Variants in AFF3 observed in about 807,000 individuals in gnomAD.
AFF3 encodes ALF transcription elongation factor 3, also known as AF4/FMR2 family member 3.
AFF3 carries 32 observed loss-of-function variants against 129.7 expected under a neutral mutation model. The observed-to-expected ratio is 0.25, with a 90% confidence interval of 0.19 to 0.33. The LOEUF (loss-of-function observed/expected upper bound fraction) is 0.33. Among genes scored for constraint, AFF3 ranks in the 10% least tolerant of loss-of-function variants. The probability of loss-of-function intolerance (pLI) is 1.00; values close to 1 mark genes in which losing one functional copy is unlikely to be tolerated. For synonymous variants in AFF3, 644 were observed against 635.4 expected (o/e 1.01, Z -0.20); for missense variants, 1,373 against 1,592.0 (o/e 0.86, Z 2.34).
At chr2:99,691,988 G>C (rs769017324) in intron 11 of AFF3, among the ~76,000 whole-genome samples, 2 of 152,208 alleles carry the variant, frequency 1.3e-5, no homozygotes, top group African/African-American at 2.4e-5. Flanking sequence ...AGTATGGAAG[G>C]CTTTATGTAC....
At chr2:100,136,045 T>C (rs1692628874) in intron 1 of AFF3, among the ~76,000 whole-genome samples, 1 of 152,176 alleles carries the variant, frequency 6.6e-6, no homozygotes, top group African/African-American at 2.4e-5. Flanking sequence ...CGTGGGGATG[T>C]GAGAAAACTG....
At chr2:100,055,601 G>A (rs1271980607) in intron 4 of AFF3, among the ~76,000 whole-genome samples, 1 of 152,186 alleles carries the variant, frequency 6.6e-6, no homozygotes, top group Non-Finnish European at 1.5e-5. Context: ...CTAATGTACA[G>A]CAGGCTGAGA....
At chr2:99,600,871 C>A (rs1679760174) in intron 14 of AFF3, among the ~76,000 whole-genome samples, 2 of 117,946 alleles carry the variant, frequency 1.7e-5, no homozygotes, top group Non-Finnish European at 1.7e-5. Context: ...CTCATCACAG[C>A]TATAAAAGGT....
intron 4 of AFF3, among the ~76,000 whole-genome samples, chr2:100,037,309 A>G (rs535964257): frequency 1.6e-4 from 24 of 150,104 alleles, no homozygotes; most frequent in African/African-American, 4.9e-4. Flanking sequence ...GTAAGATTCA[A>G]AACTATACAG....
At chr2:99,723,562 C>T (rs1485965169) in intron 11 of AFF3, among the ~76,000 whole-genome samples, 2 of 152,112 alleles carry the variant, frequency 1.3e-5, no homozygotes, top group African/African-American at 2.4e-5. Flanking sequence ...CGCTCTGCTC[C>T]ACTCCTGCAG....
intron 4 of AFF3, among the ~76,000 whole-genome samples, chr2:100,082,952 T>A (rs1028069233): frequency 2.6e-5 from 4 of 152,008 alleles, no homozygotes; most frequent in East Asian, 1.9e-4. Flanking sequence ...TGGTGATGCA[T>A]CCCTGTAATC....
intron 4 of AFF3, among the ~76,000 whole-genome samples, chr2:100,088,349 A>C (rs1037444023): frequency 1.3e-4 from 20 of 152,344 alleles, no homozygotes; most frequent in African/African-American, 4.1e-4. Context: ...ATCAATATAT[A>C]AAAAAGAAAG....
Position 99,906,737 on chromosome 2 carries a change from G to C in AFF3, c.874-69213C>G, listed in dbSNP as rs143740498. 3.6e-4 allele frequency among the ~76,000 whole-genome samples: 54 copies of C among 152,082 alleles called. No homozygotes were observed. The East Asian group carries it at 9.7e-3, about 27-fold the overall frequency. Reference sequence around the variant, plus strand: ...CGGACCACATGTTTCTTTCTACACTGCTCTTCCTGATGGCCTGTCCACGGC... The same window carrying C: ...CGGACCACATGTTTCTTTCTACACTCCTCTTCCTGATGGCCTGTCCACGGC... On this transcript the variant is annotated intron_variant, in intron 7 of 24. Coordinates refer to ENST00000672756, the MANE Select transcript of AFF3 (RefSeq NM_001386135.1).
intron 8 of AFF3, among the ~76,000 whole-genome samples, chr2:99,774,827 T>G (rs1471663777): frequency 2.0e-5 from 3 of 151,646 alleles, no homozygotes; most frequent in Non-Finnish European, 1.5e-5. Context: ...TGGGAGAAAA[T>G]TTTTGCAATC....
chr2:99,953,106 G>A (rs2104204981), intron 7 of AFF3, among the ~76,000 whole-genome samples: 1 of 152,228 alleles, frequency 6.6e-6, no homozygotes, highest in East Asian at 1.9e-4. Flanking sequence ...CTAAGGCCTG[G>A]GAATACAGAG....
chr2:99,672,678 T>C (rs751050438), intron 11 of AFF3, 89 bp from the exon 12 acceptor site: 19 of 1,236,894 alleles, frequency 1.5e-5, no homozygotes, highest in Non-Finnish European at 1.9e-5. Flanking sequence ...TTAATGTTGT[T>C]ATTAGAGCAA....
chr2:100,051,747 GA>G (rs2105146634), intron 4 of AFF3, among the ~76,000 whole-genome samples: 1 of 152,302 alleles, frequency 6.6e-6, no homozygotes, highest in South Asian at 2.1e-4. Flanking sequence ...TGTGTTTCAA[GA>G]AGGGACAGCC....
intron 7 of AFF3, among the ~76,000 whole-genome samples, chr2:99,858,303 T>C (rs1048540078): frequency 1.3e-5 from 2 of 149,176 alleles, no homozygotes; most frequent in African/African-American, 2.5e-5. Context: ...ACCAGCACTT[T>C]GGGAGGCTGA....
At chr2:99,903,720 G>T (rs573967618) in intron 7 of AFF3, among the ~76,000 whole-genome samples, 1 of 152,216 alleles carries the variant, frequency 6.6e-6, no homozygotes, top group East Asian at 1.9e-4. Context: ...TATCTCTCAG[G>T]TCTGGGGTAT....
At chr2:99,861,345 A>T (rs1690985773) in intron 7 of AFF3, among the ~76,000 whole-genome samples, 1 of 152,228 alleles carries the variant, frequency 6.6e-6, no homozygotes, top group Admixed American at 6.5e-5. Context: ...TATGGGGAGT[A>T]GAGAAGTGGC....
intron 10 of AFF3, 87 bp from the exon 11 acceptor site, chr2:99,727,215 T>C (rs1314918422): frequency 1.6e-6 from 2 of 1,280,644 alleles, no homozygotes; most frequent in Admixed American, 4.8e-5. Context: ...TCCATGCTCC[T>C]ATTAACAATC....
rs542619796 is a variant in AFF3, at chr2:99,806,428, T to G, written c.921+31049A>C. Among the ~76,000 whole-genome samples the G allele has an allele frequency of 2.6e-5, 4 of 152,276 alleles. No homozygotes were observed. The South Asian group carries it at 8.3e-4, about 32-fold the overall frequency. On this transcript the variant is annotated intron_variant, in intron 8 of 24. Coordinates refer to ENST00000672756, the MANE Select transcript of AFF3 (RefSeq NM_001386135.1). ...GCCTAACACTGCAAATGCTCAGCTC[T>G]GCGATGGGAGTGTGTGCCAGGACCC...
intron 2 of AFF3, among the ~76,000 whole-genome samples, chr2:100,111,747 G>A (rs961394552): frequency 1.3e-5 from 2 of 152,228 alleles, no homozygotes; most frequent in Middle Eastern, 3.2e-3. Context: ...AGTACAGTAT[G>A]TTGAAATATA....
chr2:100,034,368 T>C (rs1168675421), intron 4 of AFF3, among the ~76,000 whole-genome samples: 1 of 152,072 alleles, frequency 6.6e-6, no homozygotes, highest in African/African-American at 2.4e-5. Context: ...AAAAATAAAA[T>C]TAAATATAGA....
Sources: gnomAD v4.1 joint callset for allele counts (sites outside exome capture counted in the v4.1 genomes callset) on GRCh38, gnomAD v4.1.1 for gene constraint, MANE v1.5 for transcripts, NCBI Gene and HGNC (gene_info 2026-07-23, HGNC 2026-07-21) for gene names.